Variants in PLPPR5 observed in about 807,000 individuals in gnomAD.
The protein encoded by PLPPR5 is phospholipid phosphatase-related protein type 5.
In PLPPR5, 16 loss-of-function variants were observed where a neutral mutation model predicts 33.9. That is an observed-to-expected ratio of 0.47 (90% CI 0.32 to 0.72). The LOEUF (loss-of-function observed/expected upper bound fraction) is 0.72. Among genes scored for constraint, PLPPR5 ranks in the 30% least tolerant of loss-of-function variants. PLPPR5 has a pLI of 0.03. For synonymous variants in PLPPR5, 163 were observed against 150.3 expected, an observed-to-expected ratio of 1.08 and a Z score of -0.62; for missense variants, 301 against 406.7, an observed-to-expected ratio of 0.74 and a Z score of 2.23.
intron 1 of PLPPR5, among the ~76,000 whole-genome samples, chr1:98,969,499 C>T (rs1651576606): frequency 1.3e-5 from 2 of 152,028 alleles, no homozygotes; most frequent in African/African-American, 4.8e-5. Context: ...TTATGCGCAG[C>T]AGAAGTGGCT....
chr1:98,959,929 C>A (rs575517057), intron 1 of PLPPR5, among the ~76,000 whole-genome samples: 1 of 152,084 alleles, frequency 6.6e-6, no homozygotes, highest in African/African-American at 2.4e-5. Flanking sequence ...CTGGACCCTC[C>A]GGCCAGTTCT....
intron 1 of PLPPR5, among the ~76,000 whole-genome samples, chr1:98,972,731 C>T (rs928163763): frequency 6.6e-6 from 1 of 151,972 alleles, no homozygotes; most frequent in East Asian, 1.9e-4. Flanking sequence ...CTATGATCTT[C>T]AGGGGAGTCA....
intron 3 of PLPPR5, among the ~76,000 whole-genome samples, chr1:98,946,371 T>C (rs186128741): frequency 1.3e-5 from 2 of 152,338 alleles, no homozygotes; most frequent in East Asian, 3.9e-4. Context: ...CAGTTCCACA[T>C]TGCTTTTTAA....
At chr1:98,939,211 T>A in intron 3 of PLPPR5, among the ~76,000 whole-genome samples, 1 of 151,862 alleles carries the variant, frequency 6.6e-6, no homozygotes, top group South Asian at 2.1e-4. Flanking sequence ...TTACCTATTC[T>A]TATCTTAAAA....
rs143593442 is a variant in PLPPR5 at position 98,921,908 on chromosome 1, C to T, written c.772G>A (p.Val258Ile). The change falls in exon 4 of 6, where the codon GTT (valine) becomes ATT (isoleucine). Residue 258 changes from valine (V) to isoleucine (I), a missense_variant. Transcript: ENST00000263177. ...AGAAATACTGCTATAGATATTCCAA[C>T]CAGAAAGCCTGCTATAACATCTGAC... ...HWSDVIAGFL[V>I]GISIAVFLVV... 3 of 1,613,278 alleles carry T rather than the reference C, an allele frequency of 1.9e-6. No individual in the cohort carries two copies. The African/African-American group carries it at 4.0e-5, about 22-fold the overall frequency.
intron 1 of PLPPR5, among the ~76,000 whole-genome samples, chr1:98,959,496 G>A (rs1334012182): frequency 6.6e-6 from 1 of 152,168 alleles, no homozygotes; most frequent in East Asian, 1.9e-4. Context: ...CAGGGAGCTT[G>A]GGGATTAGGC....
chr1:98,935,537 G>T (rs1405736173), intron 3 of PLPPR5, among the ~76,000 whole-genome samples: 3 of 152,028 alleles, frequency 2.0e-5, no homozygotes, highest in Non-Finnish European at 2.9e-5. Flanking sequence ...TACCCAATAA[G>T]AAAACTTTAA....
chr1:98,970,894 T>G (rs1651633807), intron 1 of PLPPR5, among the ~76,000 whole-genome samples: 1 of 152,138 alleles, frequency 6.6e-6, no homozygotes, highest in Non-Finnish European at 1.5e-5. Context: ...ATTTTATTAT[T>G]TTGTTTTATT....
At chr1:98,991,361 A>G (rs1023238689) in intron 1 of PLPPR5, 2 of 152,106 alleles carry the variant, frequency 1.3e-5, no homozygotes, top group Middle Eastern at 3.2e-3. Context: ...AGTCTAATGC[A>G]TTGAGAAAAA....
chr1:98,961,183 G>C (rs984986504), intron 1 of PLPPR5, among the ~76,000 whole-genome samples: 1 of 152,144 alleles, frequency 6.6e-6, no homozygotes, highest in Non-Finnish European at 1.5e-5. Flanking sequence ...GTTTTTCACA[G>C]ATGTTTTTTC....
At position 98,939,873 on chromosome 1, in the gene PLPPR5, T is replaced by G. The variant is rs1243620779; in HGVS notation, c.621+13197A>C. Among the ~76,000 whole-genome samples the G allele has an allele frequency of 2.6e-5, 4 of 152,054 alleles. No individual in the cohort carries two copies. In the East Asian group the frequency reaches 7.7e-4, roughly 29 times the overall value. ...TTTTCGAGCCTCTCCTTTCACCTCA[T>G]TTTGCTTAAATCAACTTGACTCATT... On this transcript the variant is annotated intron_variant, in intron 3 of 5. Transcript: ENST00000263177.
At chr1:98,997,467 T>C (rs1307846040) in intron 1 of PLPPR5, among the ~76,000 whole-genome samples, 1 of 152,222 alleles carries the variant, frequency 6.6e-6, no homozygotes, top group Non-Finnish European at 1.5e-5. Context: ...TGGTATCAGC[T>C]ATGCTCCCTA....
At chr1:98,935,432 C>T (rs1290104778) in intron 3 of PLPPR5, among the ~76,000 whole-genome samples, 2 of 152,110 alleles carry the variant, frequency 1.3e-5, no homozygotes, top group Non-Finnish European at 2.9e-5. Context: ...CTAGGTAATA[C>T]GACTGTTCAC....
intron 1 of PLPPR5, among the ~76,000 whole-genome samples, chr1:98,993,323 G>A (rs1340567781): frequency 1.3e-5 from 2 of 152,148 alleles, no homozygotes; most frequent in South Asian, 2.1e-4. Flanking sequence ...ATGACAGAAA[G>A]AGCCTGATAG....
intron 5 of PLPPR5, among the ~76,000 whole-genome samples, chr1:98,899,809 C>A (rs1411393222): frequency 6.6e-6 from 1 of 152,018 alleles, no homozygotes; most frequent in Non-Finnish European, 1.5e-5. Context: ...CAGGTACACA[C>A]CACCACACCC....
intron 1 of PLPPR5, among the ~76,000 whole-genome samples, chr1:98,996,343 T>C (rs954406012): frequency 1.1e-4 from 17 of 152,026 alleles, no homozygotes; most frequent in Admixed American, 3.3e-4. Flanking sequence ...AATCCCATAA[T>C]AAATTATCTA....
chr1:98,982,400 T>C (rs1652088079), intron 1 of PLPPR5, among the ~76,000 whole-genome samples: 1 of 152,060 alleles, frequency 6.6e-6, no homozygotes, highest in Non-Finnish European at 1.5e-5. Flanking sequence ...CAGAAGTTAA[T>C]AGCCAATTAA....
intron 1 of PLPPR5, among the ~76,000 whole-genome samples, chr1:98,963,131 G>C (rs1451710176): frequency 6.6e-6 from 1 of 152,194 alleles, no homozygotes; most frequent in East Asian, 1.9e-4. Context: ...AACATATCCA[G>C]TATTTCCATA....
chr1:98,951,504 A>G (rs1425411422), intron 3 of PLPPR5, among the ~76,000 whole-genome samples: 1 of 152,212 alleles, frequency 6.6e-6, no homozygotes, highest in Non-Finnish European at 1.5e-5. Context: ...AGGATAAAGG[A>G]AAGAATCCTT....
Sources: gnomAD v4.1 joint callset for allele counts (sites outside exome capture counted in the v4.1 genomes callset) on GRCh38, gnomAD v4.1.1 for gene constraint, MANE v1.5 for transcripts, NCBI Gene and HGNC (gene_info 2026-07-23, HGNC 2026-07-21) for gene names.